Variants in WWP1 observed in about 807,000 individuals in gnomAD.
The protein encoded by WWP1 is WW domain containing E3 ubiquitin protein ligase 1.
A neutral mutation model predicts 130.6 loss-of-function variants in WWP1; 49 were observed. The ratio of observed to expected loss-of-function variants is 0.38; its 90% confidence interval spans 0.30 to 0.48. WWP1 has a LOEUF of 0.48. WWP1 is among the 20% of genes least tolerant of loss of function. WWP1 has a pLI of 0.99. For missense variants in WWP1, 809 were observed against 1,100.6 expected (o/e 0.74, Z 3.75); for synonymous variants, 332 against 367.8 (o/e 0.90, Z 1.11).
At chr8:86,449,013 T>C (rs2130745838) in intron 20 of WWP1, among the ~76,000 whole-genome samples, 1 of 152,140 alleles carries the variant, frequency 6.6e-6, no homozygotes, top group South Asian at 2.1e-4. Context: ...AACAATTTTT[T>C]TTTTTTTGTA....
intron 10 of WWP1, among the ~76,000 whole-genome samples, chr8:86,426,253 T>G (rs1223587708): frequency 6.6e-6 from 1 of 152,206 alleles, no homozygotes; most frequent in Non-Finnish European, 1.5e-5. Flanking sequence ...GTGCCATGAC[T>G]TGGGGTTTAT....
intron 5 of WWP1, among the ~76,000 whole-genome samples, chr8:86,397,368 G>A (rs900521782): frequency 1.3e-5 from 2 of 152,118 alleles, no homozygotes; most frequent in South Asian, 4.1e-4. Flanking sequence ...ATGGGGTATG[G>A]AGTGATGTTA....
At chr8:86,348,418 A>G (rs1025293118) in intron 1 of WWP1, among the ~76,000 whole-genome samples, 1 of 152,058 alleles carries the variant, frequency 6.6e-6, no homozygotes, top group Non-Finnish European at 1.5e-5. Context: ...GGGTTTCTCC[A>G]TGTTGGTCAG....
At chr8:86,368,851 C>T (rs1824127165) in intron 1 of WWP1, 88 bp from the exon 2 acceptor site, 1 of 152,188 alleles carries the variant, frequency 6.6e-6, no homozygotes, top group Non-Finnish European at 1.5e-5. Context: ...GGATTATCTA[C>T]TTTCTCTTGT....
intron 10 of WWP1, 135 bp downstream of exon 10, chr8:86,425,453 T>C: frequency 1.8e-6 from 1 of 563,028 alleles, no homozygotes; most frequent in Non-Finnish European, 2.9e-6. Flanking sequence ...ATATAAATAA[T>C]GAATGTTCAG....
intron 4 of WWP1, among the ~76,000 whole-genome samples, chr8:86,381,156 A>G (rs1330357086): frequency 6.6e-6 from 1 of 152,192 alleles, no homozygotes; most frequent in Non-Finnish European, 1.5e-5. Context: ...TTTCAAAATA[A>G]TAATGGCATA....
intron 9 of WWP1, among the ~76,000 whole-genome samples, chr8:86,424,257 CA>C (rs1319487052): frequency 6.6e-6 from 1 of 151,382 alleles, no homozygotes; most frequent in Non-Finnish European, 1.5e-5. Context: ...GGCGGCCAGG[CA>C]GAGACACTCC....
At chr8:86,376,477 G>C (rs575912577) in intron 3 of WWP1, among the ~76,000 whole-genome samples, 1 of 152,276 alleles carries the variant, frequency 6.6e-6, no homozygotes, top group South Asian at 2.1e-4. Flanking sequence ...GCTTAGGCAT[G>C]AGAATCACTT....
chr8:86,355,874 C>G (rs181314386), intron 1 of WWP1, among the ~76,000 whole-genome samples: 97 of 152,242 alleles, frequency 6.4e-4, no homozygotes, highest in African/African-American at 2.3e-3. Context: ...TAGCTCAGCA[C>G]TTCTTATTTT....
chr8:86,390,094 A>G (rs962373654), intron 5 of WWP1, among the ~76,000 whole-genome samples: 1 of 150,198 alleles, frequency 6.7e-6, no homozygotes, highest in African/African-American at 2.5e-5. Flanking sequence ...CACATCCCAG[A>G]CGGAGCGGCG....
intron 9 of WWP1, among the ~76,000 whole-genome samples, chr8:86,420,922 T>A (rs2130617640): frequency 6.6e-6 from 1 of 152,304 alleles, no homozygotes; most frequent in East Asian, 1.9e-4. Context: ...GCAATAAAAA[T>A]TCAAGGACTG....
chr8:86,363,200 G>A (rs528927270), intron 1 of WWP1, among the ~76,000 whole-genome samples: 4 of 152,052 alleles, frequency 2.6e-5, no homozygotes, highest in Non-Finnish European at 4.4e-5. Context: ...AGATGGGGAC[G>A]AGGAAACAAC....
intron 24 of WWP1, among the ~76,000 whole-genome samples, chr8:86,463,813 C>T (rs1333111593): frequency 6.6e-6 from 1 of 152,058 alleles, no homozygotes; most frequent in Non-Finnish European, 1.5e-5. Flanking sequence ...GTAATCCCAG[C>T]ACTTTGGAAG....
intron 1 of WWP1, among the ~76,000 whole-genome samples, chr8:86,364,986 A>T (rs73268878): frequency 6.6e-6 from 1 of 152,084 alleles, no homozygotes; most frequent in Admixed American, 6.5e-5. Context: ...GAGTGCATTT[A>T]TGATAGGGGA....
chr8:86,385,200 T>C (rs1056845756), intron 5 of WWP1, among the ~76,000 whole-genome samples: 2 of 152,210 alleles, frequency 1.3e-5, no homozygotes, highest in African/African-American at 4.8e-5. Flanking sequence ...AGGTGTGCTC[T>C]ATATAGAAAA....
intron 1 of WWP1, among the ~76,000 whole-genome samples, chr8:86,351,684 C>T (rs567431039): frequency 6.6e-6 from 1 of 152,190 alleles, no homozygotes; most frequent in Admixed American, 6.5e-5. Context: ...GGGATACTGA[C>T]TTAACATGGC....
chr8:86,406,171 G>A (rs1808269583), intron 8 of WWP1, among the ~76,000 whole-genome samples: 3 of 152,150 alleles, frequency 2.0e-5, no homozygotes, highest in African/African-American at 7.2e-5. Context: ...TGTTAACTCT[G>A]TAACCTTGGA....
chr8:86,400,332 C>CG lies in WWP1; in HGVS notation c.540-1681dup, dbSNP rs527387089. Among the ~76,000 whole-genome samples, 1,064 of 151,082 alleles carry CG rather than the reference C, an allele frequency of 7.0e-3. 14 individuals carry two copies. Among genetic ancestry groups the CG allele is most frequent in the African/African-American group, 0.025 (1,011 of 41,104 alleles). On this transcript the variant is annotated intron_variant, in intron 7 of 24. Transcript: ENST00000517970. ...TGGGCGACAGAGCAAGACTTCGTCTCGGGGGGAAAAAAATAAATAAATAAA... is the reference window on the plus strand; with the variant it reads ...TGGGCGACAGAGCAAGACTTCGTCTCGGGGGGGAAAAAAATAAATAAATAAA...
At chr8:86,353,414 A>G (rs1823060931) in intron 1 of WWP1, among the ~76,000 whole-genome samples, 1 of 152,134 alleles carries the variant, frequency 6.6e-6, no homozygotes, top group Non-Finnish European at 1.5e-5. Context: ...GTGGTCAAAA[A>G]TATGCCAAAC....
Sources: gnomAD v4.1 joint callset for allele counts (sites outside exome capture counted in the v4.1 genomes callset) on GRCh38, gnomAD v4.1.1 for gene constraint, MANE v1.5 for transcripts, NCBI Gene and HGNC (gene_info 2026-07-23, HGNC 2026-07-21) for gene names.